The following RHCG variants were observed in gnomAD, a reference collection of about 807,000 sequenced individuals.
RHCG encodes the protein ammonium transporter Rh type C.
Under a neutral mutation model 55.3 loss-of-function variants are expected in RHCG, and 39 were observed. The observed-to-expected ratio is 0.70, with a 90% CI of 0.55 to 0.92. The LOEUF is 0.92. Among genes scored for constraint, RHCG ranks in the 40% least tolerant of loss-of-function variants. The pLI, the probability that RHCG is intolerant of heterozygous loss-of-function variation, is 0.00. For missense variants in RHCG, 635 were observed against 627.9 expected (o/e 1.01, Z -0.12); for synonymous variants, 250 against 246.8 (o/e 1.01, Z -0.12).
rs1159102120 is a variant in RHCG, at chr15:89,474,702, C to A, written c.1312-1839G>T. ...GGTGGGATGCTGCAGAACTCAGTTG[C>A]CTGCCTGCTGCCTTCGTTCATTCCT... On this transcript the variant is annotated intron_variant, in intron 9 of 10. Transcript: ENST00000268122. 2.0e-5 allele frequency among the ~76,000 whole-genome samples: 3 copies of A among 152,370 alleles called. No individual in the cohort carries two copies. The East Asian group carries it at 5.8e-4, about 29-fold the overall frequency.
chr15:89,477,741 G>T lies in RHCG; in HGVS notation c.976-88C>A. The T allele has an allele frequency of 1.2e-6, 2 of 1,602,752 alleles. No individual in the cohort carries two copies. Among genetic ancestry groups the T allele is most frequent in the Non-Finnish European group, 1.7e-6 (2 of 1,172,032 alleles). On this transcript the variant is annotated intron_variant, in intron 6 of 10. Transcript: ENST00000268122. The surrounding 1 kb of genome is among the most constrained non-coding windows in gnomAD (Gnocchi z 4.5). ...GATTCCAGAGACCCAGGATTCTCTA[G>T]CCCTCAGCCCCCTCCCTAGGAACCC...
chr15:89,490,279 C>G (rs1961450103), intron 1 of RHCG, among the ~76,000 whole-genome samples: 1 of 152,244 alleles, frequency 6.6e-6, no homozygotes, highest in Non-Finnish European at 1.5e-5. Context: ...AGGCCACAGA[C>G]CCCTCAGCTA....
chr15:89,481,862 C>T (rs1216614554), intron 3 of RHCG, among the ~76,000 whole-genome samples: 1 of 152,056 alleles, frequency 6.6e-6, no homozygotes, highest in Non-Finnish European at 1.5e-5. Flanking sequence ...AGTGCAATGG[C>T]GTGATCTCGG....
At chr15:89,493,968 C>A (rs1422438528) in intron 1 of RHCG, among the ~76,000 whole-genome samples, 1 of 152,064 alleles carries the variant, frequency 6.6e-6, no homozygotes, top group Non-Finnish European at 1.5e-5. Context: ...AGATTCTTCC[C>A]CTATACCCCT....
chr15:89,488,357 G>A (rs547861668), intron 1 of RHCG, among the ~76,000 whole-genome samples: 2 of 152,328 alleles, frequency 1.3e-5, no homozygotes, highest in South Asian at 4.1e-4. Context: ...ATCAGTGGAT[G>A]CTAAATGCAG....
chr15:89,474,046 T>C (rs1395707372), intron 9 of RHCG, among the ~76,000 whole-genome samples: 1 of 152,228 alleles, frequency 6.6e-6, no homozygotes, highest in East Asian at 1.9e-4. Context: ...AAAGAAAGTT[T>C]ATTAGGAATG....
chr15:89,491,077 C>T (rs1394235157), intron 1 of RHCG, among the ~76,000 whole-genome samples: 2 of 152,052 alleles, frequency 1.3e-5, no homozygotes, highest in South Asian at 4.2e-4. Context: ...GGTATAGAGG[C>T]GACATGCTGG....
chr15:89,488,426 C>G (rs1318818134), intron 1 of RHCG, among the ~76,000 whole-genome samples: 1 of 152,184 alleles, frequency 6.6e-6, no homozygotes, highest in Non-Finnish European at 1.5e-5. Context: ...TCCTTATAGA[C>G]TGCTTATTAG....
intron 9 of RHCG, among the ~76,000 whole-genome samples, chr15:89,475,327 C>A (rs543185579): frequency 1.3e-5 from 2 of 152,306 alleles, no homozygotes; most frequent in South Asian, 2.1e-4. Flanking sequence ...CCTCTGCCCC[C>A]CCGCCCCAGG....
In RHCG at chr15:89,479,423, G is replaced by T; in HGVS notation, c.736C>A (p.Gln246Lys). 6.2e-7 allele frequency: 1 copy of T among 1,614,156 alleles called. No homozygotes were observed. The highest frequency in any genetic ancestry group is 8.5e-7 in the Non-Finnish European group (1 of 1,180,018). Reference sequence around the variant, plus strand: ...TAGGTGTTGATGGCGGCTCGGTGCTGGCTGTCCCCATGGTAGGATATGGCT... The same window carrying T: ...TAGGTGTTGATGGCGGCTCGGTGCTTGCTGTCCCCATGGTAGGATATGGCT... The part of the protein sequence containing the change: ...NSAISYHGDS[Q>K]HRAAINTYCS... The change falls in exon 5 of 11, where the codon CAG (glutamine) becomes AAG (lysine). Residue 246 changes from glutamine (Q) to lysine (K), a missense_variant. Gln to Lys is a moderately conservative substitution (Grantham distance 53). Transcript: ENST00000268122.
At chr15:89,490,223 C>T (rs1961448548) in intron 1 of RHCG, among the ~76,000 whole-genome samples, 1 of 152,252 alleles carries the variant, frequency 6.6e-6, no homozygotes, top group Admixed American at 6.5e-5. Flanking sequence ...TGCACCTTGC[C>T]TGCCCTCATC....
At chr15:89,481,984 G>A (rs573161904) in intron 3 of RHCG, among the ~76,000 whole-genome samples, 31 of 152,180 alleles carry the variant, frequency 2.0e-4, no homozygotes, top group African/African-American at 7.0e-4. Flanking sequence ...GTATTTTAAG[G>A]AGAGACAGGG....
chr15:89,474,710 C>A (rs1961099350), intron 9 of RHCG, among the ~76,000 whole-genome samples: 1 of 152,148 alleles, frequency 6.6e-6, no homozygotes, highest in Non-Finnish European at 1.5e-5. Flanking sequence ...TGCCTGCCTG[C>A]TGCCTTCGTT....
At chr15:89,495,769 A>C (rs761366331) in intron 1 of RHCG, among the ~76,000 whole-genome samples, 5 of 152,224 alleles carry the variant, frequency 3.3e-5, no homozygotes, top group Non-Finnish European at 7.3e-5. Context: ...GAAGGTTGGC[A>C]TTTGCCTGAG....
intron 10 of RHCG, among the ~76,000 whole-genome samples, chr15:89,472,305 G>A (rs1961052936): frequency 6.6e-6 from 1 of 152,184 alleles, no homozygotes; most frequent in Non-Finnish European, 1.5e-5. Flanking sequence ...AGAAAGAGGG[G>A]AGGGTGGGTC....
intron 1 of RHCG, among the ~76,000 whole-genome samples, chr15:89,488,958 G>A (rs966801418): frequency 2.0e-5 from 3 of 152,182 alleles, no homozygotes; most frequent in Non-Finnish European, 2.9e-5. Flanking sequence ...TACTGGAATA[G>A]TTAAGGGTAG....
chr15:89,475,080 TCCTG>T (rs1402096356), intron 9 of RHCG, among the ~76,000 whole-genome samples: 3 of 100,606 alleles, frequency 3.0e-5, no homozygotes, highest in Admixed American at 1.0e-4. Context: ...CTTCCTGCCT[TCCTG>T]CCTGCCTGCC....
intron 1 of RHCG, among the ~76,000 whole-genome samples, chr15:89,488,779 G>A (rs546092629): frequency 2.0e-5 from 3 of 151,800 alleles, no homozygotes; most frequent in Admixed American, 6.5e-5. Flanking sequence ...AGAATGGGGG[G>A]GGGGGAGTGC....
intron 3 of RHCG, among the ~76,000 whole-genome samples, chr15:89,480,880 G>A (rs1961254541): frequency 6.6e-6 from 1 of 152,216 alleles, no homozygotes; most frequent in African/African-American, 2.4e-5. Flanking sequence ...GTGCCAGATT[G>A]ATGTTTGTCC....
Sources: allele counts gnomAD v4.1 joint callset (sites outside exome capture counted in the v4.1 genomes callset), GRCh38; gene constraint gnomAD v4.1.1; non-coding constraint Gnocchi (gnomAD v3.1); transcripts MANE v1.5; gene names NCBI Gene and HGNC (gene_info 2026-07-23, HGNC 2026-07-21).